DPH6: variants seen among roughly 807,000 people sequenced by gnomAD.
DPH6 encodes diphthamine biosynthesis 6.
DPH6 carries 33 observed loss-of-function variants against 38.2 expected under a neutral mutation model. The observed-to-expected ratio is 0.86, with a 90% confidence interval of 0.65 to 1.15. The LOEUF (loss-of-function observed/expected upper bound fraction) is 1.15. Ranked by LOEUF, DPH6 falls within the 50% of genes most tolerant of loss-of-function variation. The pLI is 0.00. For missense variants in DPH6, 325 were observed against 320.0 expected, an observed-to-expected ratio of 1.02 and a Z score of -0.12; for synonymous variants, 108 against 103.0, an observed-to-expected ratio of 1.05 and a Z score of -0.30.
intron 3 of DPH6, chr15:35,237,243 T>G: frequency 8.1e-7 from 1 of 1,235,522 alleles, no homozygotes; most frequent in Admixed American, 1.7e-5. Flanking sequence ...CGGAGCTGGT[T>G]GAGCCTTGAA....
intron 3 of DPH6, among the ~76,000 whole-genome samples, chr15:35,323,144 T>TA (rs1350451862): frequency 6.6e-6 from 1 of 152,130 alleles, no homozygotes; most frequent in Non-Finnish European, 1.5e-5. Context: ...AGTGGAGACA[T>TA]AAAGTAATTA....
At chr15:35,496,171 T>C (rs766196323) in intron 3 of DPH6, among the ~76,000 whole-genome samples, 11 of 152,156 alleles carry the variant, frequency 7.2e-5, no homozygotes, top group Non-Finnish European at 1.5e-4. Flanking sequence ...ATCTAATTAC[T>C]TAGAAAAAAT....
At chr15:35,458,960 G>A (rs1254873891) in intron 3 of DPH6, among the ~76,000 whole-genome samples, 2 of 152,176 alleles carry the variant, frequency 1.3e-5, no homozygotes, top group African/African-American at 4.8e-5. Flanking sequence ...GAGAGATAAG[G>A]AGAGAACCTA....
At chr15:35,433,013 C>A in intron 5 of DPH6, among the ~76,000 whole-genome samples, 1 of 151,886 alleles carries the variant, frequency 6.6e-6, no homozygotes, top group Admixed American at 6.5e-5. Context: ...ACCCACTAAA[C>A]CTAAAATAAA....
At chr15:35,442,556 C>T (rs8033316) in intron 5 of DPH6, among the ~76,000 whole-genome samples, 31,749 of 151,678 alleles carry the variant, frequency 0.21, 4,224 homozygotes, top group African/African-American at 0.38. Flanking sequence ...TATATAGGTC[C>T]AAAGAAAAAC....
downstream of DPH6, among the ~76,000 whole-genome samples, chr15:35,366,573 ACTCCCTTCCTG>A (rs1323289772): frequency 3.3e-5 from 5 of 151,784 alleles, no homozygotes; most frequent in Non-Finnish European, 7.4e-5. Flanking sequence ...TTCTCTGTTT[ACTCCCTTCCTG>A]CTCCCTTCCC....
intron 5 of DPH6, among the ~76,000 whole-genome samples, chr15:35,445,624 T>C (rs2053842519): frequency 6.6e-6 from 1 of 152,012 alleles, no homozygotes; most frequent in Non-Finnish European, 1.5e-5. Context: ...TAGCTGTTCA[T>C]GTATTTTATC....
At chr15:35,297,336 T>G (rs2052022234) in intron 3 of DPH6, among the ~76,000 whole-genome samples, 1 of 151,900 alleles carries the variant, frequency 6.6e-6, no homozygotes, top group African/African-American at 2.4e-5. Flanking sequence ...CCCTCAGTTT[T>G]TTTTTTTTTT....
At chr15:35,421,054 A>T (rs763510022) in intron 5 of DPH6, among the ~76,000 whole-genome samples, 1 of 152,180 alleles carries the variant, frequency 6.6e-6, no homozygotes, top group Non-Finnish European at 1.5e-5. Context: ...AAATGGATAC[A>T]TTCCTAGAAA....
the DPH6 span, among the ~76,000 whole-genome samples, chr15:35,201,671 C>T: frequency 2.0e-5 from 3 of 151,702 alleles, no homozygotes; most frequent in Admixed American, 6.6e-5. Context: ...TCGTGCAATT[C>T]TTATTCAGGA....
At chr15:35,223,950 T>C (rs1234978579) in intron 3 of DPH6, among the ~76,000 whole-genome samples, 1 of 152,074 alleles carries the variant, frequency 6.6e-6, no homozygotes, top group African/African-American at 2.4e-5. Context: ...CTGGAAATCC[T>C]GGCAACCACT....
At chr15:35,425,918 G>A (rs1321438270) in intron 5 of DPH6, among the ~76,000 whole-genome samples, 1 of 150,780 alleles carries the variant, frequency 6.6e-6, no homozygotes, top group South Asian at 2.1e-4. Flanking sequence ...GCCTTACCCA[G>A]TGAAGAAAAT....
intron 3 of DPH6, among the ~76,000 whole-genome samples, chr15:35,460,912 A>AAAAG (rs2054058501): frequency 6.6e-6 from 1 of 151,582 alleles, no homozygotes. Flanking sequence ...GTAAAAAAAA[A>AAAAG]AAAAAAAAAG....
the DPH6 span, among the ~76,000 whole-genome samples, chr15:35,192,719 T>C: frequency 6.6e-6 from 1 of 152,224 alleles, no homozygotes; most frequent in African/African-American, 2.4e-5. Flanking sequence ...AATGAATCAA[T>C]ATTATTTGGT....
At chr15:35,204,598 G>A in the DPH6 span, among the ~76,000 whole-genome samples, 1 of 151,626 alleles carries the variant, frequency 6.6e-6, no homozygotes, top group Non-Finnish European at 1.5e-5. Context: ...GGGACAAGAT[G>A]GGTTATGCCC....
chr15:35,271,250 A>T (rs1213101154), intron 3 of DPH6, among the ~76,000 whole-genome samples: 1 of 152,118 alleles, frequency 6.6e-6, no homozygotes, highest in Admixed American at 6.6e-5. Flanking sequence ...GGAGTTAAAC[A>T]AACAAACAAA....
chr15:35,180,801 T>C, the DPH6 span, among the ~76,000 whole-genome samples: 1 of 152,078 alleles, frequency 6.6e-6, no homozygotes, highest in Non-Finnish European at 1.5e-5. Flanking sequence ...TTTACTTTCT[T>C]GAAAAAAATG....
chr15:35,332,239 T>A (rs1037015594), intron 3 of DPH6, among the ~76,000 whole-genome samples: 6 of 152,168 alleles, frequency 3.9e-5, no homozygotes, highest in African/African-American at 1.4e-4. Context: ...AATTATCATA[T>A]TTTTGGTGTG....
intron 4 of DPH6, 92 bp from the exon 5 acceptor site, chr15:35,450,895 T>C (rs900762823): frequency 4.0e-6 from 4 of 1,010,040 alleles, no homozygotes; most frequent in Non-Finnish European, 5.8e-6. Context: ...ACATAATGCT[T>C]CGTTCAAGGA....
Sources: allele counts gnomAD v4.1 joint callset (sites outside exome capture counted in the v4.1 genomes callset), GRCh38; gene constraint gnomAD v4.1.1; transcripts MANE v1.5; gene names NCBI Gene and HGNC (gene_info 2026-07-23, HGNC 2026-07-21).